TYMP: variants seen among roughly 807,000 people sequenced by gnomAD.
TYMP encodes the protein thymidine phosphorylase, also known as gliostatin.
In TYMP, 46 loss-of-function variants were observed where a neutral mutation model predicts 42.3. The ratio of observed to expected loss-of-function variants is 1.09; its 90% CI spans 0.86 to 1.39. TYMP has a LOEUF of 1.39. TYMP is among the 40% of genes most tolerant of loss of function. The pLI, the probability that TYMP is intolerant of heterozygous loss-of-function variation, is 0.00. For missense variants in TYMP, 837 were observed against 677.6 expected (o/e 1.24, Z -2.61); for synonymous variants, 363 against 308.0 (o/e 1.18, Z -1.87).
Position 50,526,355 on chromosome 22 carries a change from C to T in TYMP, c.1050G>A (p.Gln350=), listed in dbSNP as rs761685698. The stretch of plus-strand genomic sequence containing the variant: ...CTCGGGCCAGACCGGGATCCACGCC[C>T]TGCGCCGCCAGCATCCGCTCGAAGC... ...LGRFERMLAA[Q]GVDPGLARAL... The change falls in exon 8 of 10, where the codon CAG becomes CAA. Residue 350 remains glutamine, a synonymous_variant. Transcript: ENST00000252029. 2 of 1,550,736 alleles carry T rather than the reference C, an allele frequency of 1.3e-6. No homozygotes were observed. The highest frequency in any genetic ancestry group is 1.7e-6 in the Non-Finnish European group (2 of 1,159,926).
In TYMP at chr22:50,529,910, A is replaced by G; in HGVS notation, c.-17T>C. On this transcript the variant is annotated 5_prime_UTR_variant, in exon 1 of 10. Coordinates refer to ENST00000252029, the MANE Select transcript of TYMP (RefSeq NM_001953.5). ...ACTTGAGCCCCGCCCGTACCTGCTTAGGGCGCTGCCCTCGCCCGCTTGCTC... is the reference window on the plus strand; with the variant it reads ...ACTTGAGCCCCGCCCGTACCTGCTTGGGGCGCTGCCCTCGCCCGCTTGCTC... The G allele has an allele frequency of 1.6e-6, 1 of 615,084 alleles. No individual in the cohort carries two copies. Among genetic ancestry groups the G allele is most frequent in the Non-Finnish European group, 2.8e-6 (1 of 350,914 alleles). The allele number at this position is 615,084 out of a possible 1,614,324, so 38.1% of individuals were successfully genotyped here.
At chr22:50,526,826 G>T in intron 6 of TYMP, 88 bp from the exon 7 acceptor site, 1 of 1,382,284 alleles carries the variant, frequency 7.2e-7, no homozygotes, top group African/African-American at 1.4e-5. Flanking sequence ...GCTGCACCCT[G>T]GGTTGCCAGC....
chr22:50,526,034 G>A lies in TYMP; in HGVS notation c.1267C>T (p.Leu423=). ...AGCCTCTGACCCACGTCGACCAGCAGCTCTGCGCCCACCCCCAGGCGGAGC... is the reference window on the plus strand; with the variant it reads ...AGCCTCTGACCCACGTCGACCAGCAACTCTGCGCCCACCCCCAGGCGGAGC... ...EPLRLGVGAE[L]LVDVGQRLRR... is the part of the protein sequence containing the mutation. The change falls in exon 9 of 10, where the codon CTG becomes TTG. Residue 423 remains leucine (L), a synonymous_variant. Coordinates refer to ENST00000252029, the MANE Select transcript of TYMP (RefSeq NM_001953.5). 2 of 1,478,158 alleles carry A rather than the reference G, an allele frequency of 1.4e-6. No individual in the cohort carries two copies. The highest frequency in any genetic ancestry group is 1.8e-6 in the Non-Finnish European group (2 of 1,121,906). The allele number at this position is 1,478,158 out of a possible 1,614,324, so 91.6% of individuals were successfully genotyped here. A position where few individuals can be genotyped will look rare whatever the true frequency, so the allele number is the denominator to read the frequency against.
chr22:50,527,606 T>G lies in TYMP; in HGVS notation c.628A>C (p.Ser210Arg), dbSNP rs761665644. The G allele has an allele frequency of 1.2e-6, 2 of 1,613,988 alleles. No individual in the cohort carries two copies. Among genetic ancestry groups the G allele is most frequent in the South Asian group, 2.2e-5 (2 of 91,082 alleles). Residue 210 changes from serine to arginine, a missense_variant, in exon 5 of 10, where the codon AGC becomes CGC. Ser to Arg is a moderately radical substitution (Grantham distance 110). Coordinates refer to ENST00000252029, the MANE Select transcript of TYMP (RefSeq NM_001953.5). ...AGGTCACCTGTGATGAGTGGCAGGC[T>G]GTCCACGGTGGCTGTCACATCTCTG... ...AARDVTATVDSLPLITASILS... is the reference protein window; with the variant it reads ...AARDVTATVDRLPLITASILS...
In TYMP at chr22:50,526,619, G is replaced by T; in HGVS notation, c.885C>A (p.Asp295Glu). ...CCCTTAAGTCTGGCGGGCCTGCGCC[G>T]TCCATGCAGAGCAGCGCCTCCTCCA... ...LEVEEALLCM[D>E]GAGPPDLRDL... The change falls in exon 7 of 10, where the codon GAC (aspartate) becomes GAA (glutamate). Residue 295 changes from aspartate to glutamate, a missense_variant. Asp to Glu is a conservative substitution (Grantham distance 45). Coordinates refer to ENST00000252029, the MANE Select transcript of TYMP (RefSeq NM_001953.5). The T allele has an allele frequency of 6.3e-7, 1 of 1,578,182 alleles. No individual in the cohort carries two copies. The highest frequency in any genetic ancestry group is 8.6e-7 in the Non-Finnish European group (1 of 1,163,510).
In TYMP at chr22:50,526,304, T is replaced by C. The variant is rs1366685579; in HGVS notation, c.1101A>G (p.Glu367=). 4.5e-6 allele frequency: 7 copies of C among 1,557,708 alleles called. No homozygotes were observed. The Admixed American group carries it at 1.3e-4, about 28-fold the overall frequency. The change falls in exon 8 of 10, where the codon GAA becomes GAG. Residue 367 remains glutamate, a synonymous_variant. Coordinates refer to ENST00000252029, the MANE Select transcript of TYMP (RefSeq NM_001953.5). ...GGGCGCGAGGCAGCAGCTGCCGGCGTTCTGCGGGACTTCCCGAGCACAGGG... is the reference window on the plus strand; with the variant it reads ...GGGCGCGAGGCAGCAGCTGCCGGCGCTCTGCGGGACTTCCCGAGCACAGGG... ...ARALCSGSPA[E]RRQLLPRARE...
intron 7 of TYMP, 32 bp from the exon 8 acceptor site, chr22:50,526,508 G>A: frequency 6.6e-7 from 1 of 1,524,512 alleles, no homozygotes; most frequent in Non-Finnish European, 8.8e-7. Flanking sequence ...AGGCGCGGCC[G>A]GGTCGGGGCG....
chr22:50,528,557 C>T lies in TYMP; in HGVS notation c.471G>A (p.Lys157=), dbSNP rs745505651. 5.6e-6 allele frequency: 9 copies of T among 1,614,008 alleles called. No homozygotes were observed. Among genetic ancestry groups the T allele is most frequent in the Non-Finnish European group, 7.6e-6 (9 of 1,180,000 alleles). ...GLGHTGGTLD[K]LESIPGFNVI... ...CATTGAATCCAGGAATAGACTCCAG[C>T]TTATCCAAGGTGCCTCCTGTGTGCC... is the stretch of plus-strand genomic sequence containing the variant. Residue 157 remains lysine (K), a synonymous_variant, in exon 4 of 10, where the codon AAG becomes AAA. Coordinates refer to ENST00000252029, the MANE Select transcript of TYMP (RefSeq NM_001953.5).
intron 8 of TYMP, 26 bp from the exon 9 acceptor site, chr22:50,526,167 C>T (rs1158667989): frequency 2.0e-6 from 3 of 1,468,358 alleles, no homozygotes; most frequent in East Asian, 2.8e-5. Context: ...CTGAGAGGCG[C>T]GGGCTCGGGA....
Position 50,525,934 on chromosome 22 carries a change from C to T in TYMP, c.1301-16G>A. 1 of 1,440,616 alleles carries T rather than the reference C, an allele frequency of 6.9e-7. No individual in the cohort carries two copies. The highest frequency in any genetic ancestry group is 9.1e-7 in the Non-Finnish European group (1 of 1,103,318). The allele number at this position is 1,440,616 out of a possible 1,614,324, so 89.2% of individuals were successfully genotyped here. A position where few individuals can be genotyped will look rare whatever the true frequency, so the allele number is the denominator to read the frequency against. ...CAGGGGGTCCCTGCAGAGCGAGGGG[C>T]TGTTAGAGGCCGCGCGGCCGGAGCT... On this transcript the variant is annotated splice_polypyrimidine_tract_variant and intron_variant, in intron 9 of 9. Coordinates refer to ENST00000252029, the MANE Select transcript of TYMP (RefSeq NM_001953.5).
chr22:50,526,764 C>A (rs1476091156), intron 6 of TYMP, 26 bp from the exon 7 acceptor site: 4 of 1,530,724 alleles, frequency 2.6e-6, no homozygotes, highest in Non-Finnish European at 2.6e-6. Context: ...TCAGCGTGGA[C>A]CCCCCATGGC....
intron 7 of TYMP, 38 bp downstream of exon 7, chr22:50,526,538 C>T: frequency 6.5e-7 from 1 of 1,545,278 alleles, no homozygotes; most frequent in South Asian, 1.2e-5. Flanking sequence ...GGAAGCACCC[C>T]CCGCCGCCTC....
intron 4 of TYMP, 38 bp downstream of exon 4, chr22:50,528,474 T>G (rs1258985361): frequency 6.4e-7 from 1 of 1,562,008 alleles, no homozygotes; most frequent in Non-Finnish European, 8.8e-7. Context: ...GTCTCCATCA[T>G]CAACCTGGAT....
In TYMP at chr22:50,527,157, C is replaced by G. The variant is rs768148701; in HGVS notation, c.765+8G>C. On this transcript the variant is annotated splice_region_variant and intron_variant, in intron 6 of 9. Coordinates refer to ENST00000252029, the MANE Select transcript of TYMP (RefSeq NM_001953.5). ...GACGCTTGCCCAGGGAAAGGCCACA[C>G]CGCTCACCAGCGTCTTTGCCAGCTC... is the stretch of plus-strand genomic sequence containing the variant. The G allele has an allele frequency of 3.1e-6, 5 of 1,609,882 alleles. No homozygotes were observed. The highest frequency in any genetic ancestry group is 1.1e-5 in the South Asian group (1 of 90,982).
At chr22:50,528,437 A>G in intron 4 of TYMP, 75 bp downstream of exon 4, 1 of 1,260,462 alleles carries the variant, frequency 7.9e-7, no homozygotes, top group Non-Finnish European at 1.1e-6. Flanking sequence ...ATGATCCACC[A>G]GTGATCTTTT....
At chr22:50,527,854 TGAC>T in intron 4 of TYMP, 137 bp from the exon 5 acceptor site, 2 of 1,102,050 alleles carry the variant, frequency 1.8e-6, no homozygotes, top group Admixed American at 4.5e-5. Context: ...CGGCTCATTG[TGAC>T]CTCTGCCTCC....
At chr22:50,528,810 T>C in intron 3 of TYMP, 200 bp from the exon 4 acceptor site, 1 of 634,986 alleles carries the variant, frequency 1.6e-6, no homozygotes, top group East Asian at 2.7e-5. Context: ...TACCTGTCCT[T>C]GGGGAAACAA....
At position 50,526,744 on chromosome 22, in the gene TYMP, G is replaced by T. The variant is rs1485237671; in HGVS notation, c.766-6C>A. ...AGGCTGGCTCCCACGCCAACCTGCGGAGAGGAGGCTCAGCGTGGACCCCCC... is the reference window on the plus strand; with the variant it reads ...AGGCTGGCTCCCACGCCAACCTGCGTAGAGGAGGCTCAGCGTGGACCCCCC... On this transcript the variant is annotated splice_polypyrimidine_tract_variant and splice_region_variant and intron_variant, in intron 6 of 9. Transcript: ENST00000252029. The T allele has an allele frequency of 6.5e-7, 1 of 1,534,946 alleles. No homozygotes were observed. Among genetic ancestry groups the T allele is most frequent in the Admixed American group, 2.0e-5 (1 of 50,930 alleles).
chr22:50,529,526 C>T lies in TYMP; in HGVS notation c.184G>A (p.Val62Met), dbSNP rs755410626. ...TGTGCGCCCTGCGCGCTCCCATTCACCACAGCGGCCACGAAGCCCCTGATG... is the reference window on the plus strand; with the variant it reads ...TGTGCGCCCTGCGCGCTCCCATTCATCACAGCGGCCACGAAGCCCCTGATG... ...ADIRGFVAAVVNGSAQGAQIG... is the reference protein window; with the variant it reads ...ADIRGFVAAVMNGSAQGAQIG... Residue 62 changes from valine (V) to methionine (M), a missense_variant, in exon 2 of 10, where the codon GTG (valine) becomes ATG (methionine). By Grantham distance (21) the Val-to-Met change is conservative. Coordinates refer to ENST00000252029, the MANE Select transcript of TYMP (RefSeq NM_001953.5). The T allele has an allele frequency of 1.9e-6, 3 of 1,613,046 alleles. No individual in the cohort carries two copies. In the South Asian group the frequency reaches 3.3e-5, roughly 18 times the overall value.
Sources: allele counts gnomAD v4.1 joint callset, GRCh38; gene constraint gnomAD v4.1.1; transcripts MANE v1.5; gene names NCBI Gene and HGNC (gene_info 2026-07-23, HGNC 2026-07-21).